PARG: variants seen among roughly 807,000 people sequenced by gnomAD.
PARG encodes the protein poly(ADP-ribose) glycohydrolase, also known as mitochondrial poly(ADP-ribose) glycohydrolase.
In PARG, 35 loss-of-function variants were observed where a neutral mutation model predicts 113.0. The observed-to-expected ratio is 0.31, with a 90% CI of 0.24 to 0.41. The LOEUF is 0.41. PARG is among the 10% of genes least tolerant of loss of function. PARG has a pLI of 1.00. For synonymous variants in PARG, 330 were observed against 409.9 expected (o/e 0.81, Z 2.36); for missense variants, 797 against 1,169.4 (o/e 0.68, Z 4.64).
intron 16 of PARG, among the ~76,000 whole-genome samples, chr10:49,832,070 C>A (rs939693359): frequency 1.3e-5 from 2 of 152,166 alleles, no homozygotes; most frequent in Non-Finnish European, 2.9e-5. Context: ...AAGTAATCAT[C>A]CTAAGTAATG....
chr10:49,844,452 G>A (rs565418683), intron 13 of PARG, among the ~76,000 whole-genome samples: 7 of 151,920 alleles, frequency 4.6e-5, no homozygotes, highest in East Asian at 1.9e-4. Context: ...GTGAAGCTCC[G>A]TCTCTAATAA....
chr10:49,856,117 C>T (rs1334344226), intron 13 of PARG, among the ~76,000 whole-genome samples: 3 of 151,408 alleles, frequency 2.0e-5, no homozygotes, highest in African/African-American at 4.9e-5. Flanking sequence ...ACTAAATTTC[C>T]CCCCTCCTCC....
At chr10:49,932,466 T>C (rs1170757026) in intron 3 of PARG, among the ~76,000 whole-genome samples, 183 bp from the exon 4 acceptor site, 1 of 152,202 alleles carries the variant, frequency 6.6e-6, no homozygotes, top group African/African-American at 2.4e-5. Flanking sequence ...ACTCAAGAGC[T>C]TATTTTCAAC....
intron 7 of PARG, among the ~76,000 whole-genome samples, chr10:49,904,545 A>AG (rs1848488612): frequency 6.6e-6 from 1 of 151,542 alleles, no homozygotes; most frequent in Admixed American, 6.6e-5. Context: ...ATAATGGGGG[A>AG]GGGTGTGCAT....
intron 16 of PARG, among the ~76,000 whole-genome samples, chr10:49,821,180 G>A (rs1844057654): frequency 6.6e-6 from 1 of 152,096 alleles, no homozygotes; most frequent in African/African-American, 2.4e-5. Flanking sequence ...AAACAATCGA[G>A]ATCTACTATC....
chr10:49,846,422 T>A (rs1451213197), intron 13 of PARG, among the ~76,000 whole-genome samples: 2 of 151,428 alleles, frequency 1.3e-5, no homozygotes, highest in East Asian at 3.9e-4. Context: ...TAAAAGCATA[T>A]CAATTTGCCA....
chr10:49,884,504 C>G (rs1554840047), intron 8 of PARG, among the ~76,000 whole-genome samples: 2 of 152,188 alleles, frequency 1.3e-5, no homozygotes, highest in African/African-American at 4.8e-5. Flanking sequence ...GAAGTTGAGG[C>G]ACAAGAATTG....
chr10:49,867,919 C>T (rs1431147903), intron 10 of PARG, among the ~76,000 whole-genome samples: 2 of 152,060 alleles, frequency 1.3e-5, no homozygotes, highest in African/African-American at 4.8e-5. Context: ...ACTCAAAGTA[C>T]TGTAAAAACA....
At chr10:49,827,796 T>C (rs1374567568) in intron 16 of PARG, among the ~76,000 whole-genome samples, 1 of 152,124 alleles carries the variant, frequency 6.6e-6, no homozygotes, top group African/African-American at 2.4e-5. Context: ...GTCTTATTTA[T>C]ACCTTTCAGA....
At chr10:49,851,165 T>G (rs1203070409) in intron 13 of PARG, among the ~76,000 whole-genome samples, 6 of 151,722 alleles carry the variant, frequency 4.0e-5, no homozygotes, top group African/African-American at 1.4e-4. Flanking sequence ...AACATGGTTA[T>G]TTTCCCTTAT....
intron 9 of PARG, among the ~76,000 whole-genome samples, 176 bp downstream of exon 9, chr10:49,879,497 A>G (rs1417695754): frequency 6.6e-6 from 1 of 151,386 alleles, no homozygotes; most frequent in Admixed American, 6.6e-5. Context: ...TTTAACCTCA[A>G]TGAACTTTAA....
chr10:49,912,024 G>A (rs550920166), intron 7 of PARG, among the ~76,000 whole-genome samples: 1 of 152,186 alleles, frequency 6.6e-6, no homozygotes, highest in Admixed American at 6.5e-5. Flanking sequence ...TTCTGGCTGG[G>A]AGCAGCCGCT....
At chr10:49,936,181 T>C (rs1245469660) in intron 1 of PARG, among the ~76,000 whole-genome samples, 2 of 152,142 alleles carry the variant, frequency 1.3e-5, no homozygotes, top group Non-Finnish European at 1.5e-5. Flanking sequence ...ATTGAACAGT[T>C]ACTGGCCAAG....
chr10:49,922,588 T>C lies in PARG; in HGVS notation c.1537A>G (p.Met513Val). 1 of 1,610,352 alleles carries C rather than the reference T, an allele frequency of 6.2e-7. No individual in the cohort carries two copies. Among genetic ancestry groups the C allele is most frequent in the Non-Finnish European group, 8.5e-7 (1 of 1,179,204 alleles). The change falls in exon 5 of 18, where the codon ATG (methionine) becomes GTG (valine). Residue 513 changes from methionine to valine, a missense_variant. By Grantham distance (21) the Met-to-Val change is conservative (BLOSUM62 1). This residue lies in a region of PARG where 252 missense variants were observed against 437.4 expected (regional missense o/e 0.58). Coordinates refer to ENST00000616448, the MANE Select transcript of PARG (RefSeq NM_003631.5). ...KDLWDNKHVK[M>V]PCSEQNLYPV... is the part of the protein sequence containing the mutation. ...TACAAATTTTGTTCTGAACAAGGCATTTTAACATGCTTGTTATCCCACAAA... is the reference window on the plus strand; with the variant it reads ...TACAAATTTTGTTCTGAACAAGGCACTTTAACATGCTTGTTATCCCACAAA...
chr10:49,933,837 T>C lies in PARG; in HGVS notation c.611A>G (p.Asn204Ser). ...TGTGAGAAACTGTTGATTGTCTCTA[T>C]TCTCTTCACTATCTGTGTCACTGTG... is the stretch of plus-strand genomic sequence containing the variant. ...DDHSDTDSEE[N>S]RDNQQFLTTV... The change falls in exon 3 of 18, where the codon AAT (asparagine) becomes AGT (serine). Residue 204 changes from asparagine (N) to serine (S), a missense_variant. Coordinates refer to ENST00000616448, the MANE Select transcript of PARG (RefSeq NM_003631.5). 1 of 1,606,928 alleles carries C rather than the reference T, an allele frequency of 6.2e-7. No homozygotes were observed. Among genetic ancestry groups the C allele is most frequent in the South Asian group, 1.1e-5 (1 of 90,960 alleles).
chr10:49,900,743 C>T (rs1476372506), intron 7 of PARG, among the ~76,000 whole-genome samples: 5 of 152,058 alleles, frequency 3.3e-5, no homozygotes, highest in African/African-American at 9.6e-5. Context: ...TGGCACAAGA[C>T]GCTCTGACAT....
chr10:49,927,420 AAAAT>A (rs1838261570), intron 4 of PARG, among the ~76,000 whole-genome samples: 1 of 145,440 alleles, frequency 6.9e-6, no homozygotes, highest in African/African-American at 2.5e-5. Context: ...GAAAGAAAGA[AAAAT>A]AAACCTGTGA....
At chr10:49,891,614 TATA>T (rs1847797011) in intron 7 of PARG, among the ~76,000 whole-genome samples, 1 of 57,336 alleles carries the variant, frequency 1.7e-5, no homozygotes, top group African/African-American at 1.0e-4. Context: ...TATATATATA[TATA>T]TATATATTTT....
Position 49,869,922 on chromosome 10 carries a change from C to T in PARG, c.1989-367G>A, listed in dbSNP as rs1325080753. 4.6e-5 allele frequency among the ~76,000 whole-genome samples: 7 copies of T among 151,954 alleles called. No homozygotes were observed. The East Asian group carries it at 5.8e-4, about 13-fold the overall frequency. On this transcript the variant is annotated intron_variant, in intron 9 of 17. Coordinates refer to ENST00000616448, the MANE Select transcript of PARG (RefSeq NM_003631.5). ...ACATTTATAATTCATAATGTTACTA[C>T]GTAGTTTGATAAGTAACAAAAACGG... is the stretch of plus-strand genomic sequence containing the variant.
Sources: allele counts gnomAD v4.1 joint callset (sites outside exome capture counted in the v4.1 genomes callset), GRCh38; gene constraint gnomAD v4.1.1; regional missense constraint gnomAD v4.1.1; transcripts MANE v1.5; gene names NCBI Gene and HGNC (gene_info 2026-07-23, HGNC 2026-07-21).